BLK: variants seen among roughly 807,000 people sequenced by gnomAD.
The protein encoded by BLK is tyrosine-protein kinase Blk.
BLK carries 64 observed loss-of-function variants against 61.8 expected under a neutral mutation model. The ratio of observed to expected loss-of-function variants is 1.03; its 90% CI spans 0.85 to 1.27. The LOEUF (loss-of-function observed/expected upper bound fraction) is 1.27, where lower values mean the gene tolerates loss of function less well. BLK is among the 50% of genes most tolerant of loss of function. The probability of loss-of-function intolerance (pLI) is 0.00; values close to 1 mark genes in which losing one functional copy is unlikely to be tolerated. For missense variants in BLK, 853 were observed against 660.5 expected, an observed-to-expected ratio of 1.29 and a Z score of -3.19; for synonymous variants, 351 against 272.0, an observed-to-expected ratio of 1.29 and a Z score of -2.86.
chr8:11,534,959 A>T (rs1800051858), intron 1 of BLK, among the ~76,000 whole-genome samples: 1 of 152,188 alleles, frequency 6.6e-6, no homozygotes, highest in Non-Finnish European at 1.5e-5. Context: ...GGATTGCTTG[A>T]GTCCAGGCAT....
At chr8:11,543,081 G>A (rs576757532) in intron 1 of BLK, 143 bp from the exon 2 acceptor site, 21 of 1,299,382 alleles carry the variant, frequency 1.6e-5, no homozygotes, top group Middle Eastern at 2.5e-4. Context: ...TTCTACCCAC[G>A]TTCTGACTTT....
chr8:11,530,969 G>T (rs1585366230), intron 1 of BLK, among the ~76,000 whole-genome samples: 1 of 152,180 alleles, frequency 6.6e-6, no homozygotes, highest in Non-Finnish European at 1.5e-5. Context: ...TCAGCCTCAG[G>T]TGAGCATTCT....
chr8:11,535,375 A>C (rs1460162861), intron 1 of BLK, among the ~76,000 whole-genome samples: 8 of 152,354 alleles, frequency 5.3e-5, no homozygotes, highest in African/African-American at 1.9e-4. Context: ...GATATATTGC[A>C]CAAAGCATTA....
At chr8:11,520,348 A>G (rs1326001258) in intron 1 of BLK, among the ~76,000 whole-genome samples, 1 of 151,834 alleles carries the variant, frequency 6.6e-6, no homozygotes, top group Non-Finnish European at 1.5e-5. Context: ...GTGGTGGTGC[A>G]TGCCTGTAGT....
At chr8:11,527,048 G>T (rs971871423) in intron 1 of BLK, among the ~76,000 whole-genome samples, 1 of 152,092 alleles carries the variant, frequency 6.6e-6, no homozygotes, top group Admixed American at 6.5e-5. Flanking sequence ...TTGCAGTTTC[G>T]TTAGAGGACG....
chr8:11,524,112 C>G (rs900400760), intron 1 of BLK, among the ~76,000 whole-genome samples: 21 of 151,960 alleles, frequency 1.4e-4, no homozygotes, highest in African/African-American at 4.1e-4. Flanking sequence ...ACTTATTTGA[C>G]CATTAGTGAT....
intron 2 of BLK, 59 bp downstream of exon 2, chr8:11,543,406 T>C (rs965503794): frequency 1.2e-6 from 2 of 1,601,548 alleles, no homozygotes; most frequent in African/African-American, 2.7e-5. Context: ...TGCCTTAATG[T>C]CCAAGTTTGT....
chr8:11,560,065 G>T (rs1003745865), intron 10 of BLK: 6 of 321,198 alleles, frequency 1.9e-5, no homozygotes, highest in Non-Finnish European at 3.0e-5. Flanking sequence ...ATTCCCCACA[G>T]TCCCATATTA....
At chr8:11,551,582 T>C (rs913650073) in intron 6 of BLK, among the ~76,000 whole-genome samples, 2 of 152,150 alleles carry the variant, frequency 1.3e-5, no homozygotes, top group African/African-American at 4.8e-5. Context: ...GATTCATTCA[T>C]GTGGTTGAGG....
chr8:11,523,740 G>A (rs1462638518), intron 1 of BLK, among the ~76,000 whole-genome samples: 1 of 151,994 alleles, frequency 6.6e-6, no homozygotes, highest in African/African-American at 2.4e-5. Flanking sequence ...ATCATAATAA[G>A]AGAAACACAA....
Position 11,550,140 on chromosome 8 carries a change from T to C in BLK, c.369-19T>C, listed in dbSNP as rs1412657901. The C allele has an allele frequency of 1.2e-6, 2 of 1,606,222 alleles. No individual in the cohort carries two copies. The highest frequency in any genetic ancestry group is 1.7e-6 in the Non-Finnish European group (2 of 1,174,042). On this transcript the variant is annotated intron_variant, in intron 5 of 12. Transcript: ENST00000259089. ...GAGCAGGGTCGCTCTGAGTTTCACCTGTTCCTGCCGTTTTCCAGGTGGTTC... is the reference window on the plus strand; with the variant it reads ...GAGCAGGGTCGCTCTGAGTTTCACCCGTTCCTGCCGTTTTCCAGGTGGTTC...
rs1043922953 is a variant in BLK, at chr8:11,521,649, C to T, written c.-1-21575C>T. ...AGTCAAGAATGGTTGAGCAGTAAGG[C>T]CACAGTTTTATGTGAAGAAAAAAGT... On this transcript the variant is annotated intron_variant, in intron 1 of 12. Transcript: ENST00000259089. Among the ~76,000 whole-genome samples, 5 of 152,168 alleles carry T rather than the reference C, an allele frequency of 3.3e-5. No individual in the cohort carries two copies. In the South Asian group the frequency reaches 1.0e-3, roughly 32 times the overall value.
chr8:11,516,027 G>A (rs1799211168), intron 1 of BLK, among the ~76,000 whole-genome samples: 1 of 152,230 alleles, frequency 6.6e-6, no homozygotes, highest in Admixed American at 6.5e-5. Context: ...TTCATGCCCA[G>A]ATGAACTGAT....
intron 1 of BLK, among the ~76,000 whole-genome samples, chr8:11,512,705 C>G (rs1246313211): frequency 6.6e-6 from 1 of 151,934 alleles, no homozygotes; most frequent in African/African-American, 2.4e-5. Flanking sequence ...GCTCTGTCAC[C>G]CAGGCTGGAG....
At chr8:11,507,270 G>A (rs1231366076) in intron 1 of BLK, among the ~76,000 whole-genome samples, 1 of 152,204 alleles carries the variant, frequency 6.6e-6, no homozygotes, top group Non-Finnish European at 1.5e-5. Flanking sequence ...GAATTGGAAG[G>A]ACGATGGACT....
chr8:11,532,461 T>C (rs112194980), intron 1 of BLK, among the ~76,000 whole-genome samples: 1 of 151,706 alleles, frequency 6.6e-6, no homozygotes, highest in African/African-American at 2.4e-5. Flanking sequence ...TCCTCCTGCC[T>C]TGGCCTCCTA....
intron 1 of BLK, among the ~76,000 whole-genome samples, chr8:11,531,490 C>A (rs928333255): frequency 6.6e-6 from 1 of 152,102 alleles, no homozygotes; most frequent in Non-Finnish European, 1.5e-5. Flanking sequence ...ATATAATGTA[C>A]CTCTTTAAAG....
intron 1 of BLK, among the ~76,000 whole-genome samples, chr8:11,523,862 A>G (rs915918086): frequency 6.7e-6 from 1 of 149,264 alleles, no homozygotes; most frequent in Non-Finnish European, 1.5e-5. Flanking sequence ...TTAATTTGTT[A>G]TAAACCATTG....
At chr8:11,542,725 G>A (rs1337209528) in intron 1 of BLK, among the ~76,000 whole-genome samples, 2 of 152,158 alleles carry the variant, frequency 1.3e-5, no homozygotes, top group Non-Finnish European at 2.9e-5. Context: ...AATGTATATA[G>A]TGTCTCACCC....
Sources: gnomAD v4.1 joint callset for allele counts (sites outside exome capture counted in the v4.1 genomes callset) on GRCh38, gnomAD v4.1.1 for gene constraint, MANE v1.5 for transcripts, NCBI Gene and HGNC (gene_info 2026-07-23, HGNC 2026-07-21) for gene names.